Variants in TDRD12 observed in about 807,000 individuals in gnomAD.
The protein encoded by TDRD12 is tudor domain containing 12.
TDRD12 carries 158 observed loss-of-function variants against 133.5 expected under a neutral mutation model. The observed-to-expected ratio is 1.18, with a 90% CI of 1.04 to 1.35. TDRD12 has a LOEUF of 1.35. Ranked by LOEUF, TDRD12 falls within the 40% of genes most tolerant of loss-of-function variation. The pLI, the probability that TDRD12 is intolerant of heterozygous loss-of-function variation, is 0.00. For missense variants in TDRD12, 1,443 were observed against 1,321.3 expected (o/e 1.09, Z -1.43); for synonymous variants, 460 against 477.9 (o/e 0.96, Z 0.49).
At chr19:32,788,486 G>T (rs543807390) in intron 11 of TDRD12, among the ~76,000 whole-genome samples, 46 of 152,156 alleles carry the variant, frequency 3.0e-4, no homozygotes, top group African/African-American at 1.0e-3. Flanking sequence ...CTAATATCAC[G>T]TTTTTAATTT....
At chr19:32,811,877 CA>C (rs1471976956) in intron 24 of TDRD12, among the ~76,000 whole-genome samples, 2 of 152,190 alleles carry the variant, frequency 1.3e-5, no homozygotes, top group Non-Finnish European at 2.9e-5. Flanking sequence ...TCTTAAAAAA[CA>C]AAGCAAATCA....
At chr19:32,743,380 C>T (rs1160680763) in intron 4 of TDRD12, among the ~76,000 whole-genome samples, 1 of 145,142 alleles carries the variant, frequency 6.9e-6, no homozygotes, top group Non-Finnish European at 1.5e-5. Flanking sequence ...CACTCCCTCT[C>T]CCCACCGCCC....
intron 14 of TDRD12, chr19:32,796,015 G>A: frequency 3.3e-6 from 1 of 298,938 alleles, no homozygotes; most frequent in Non-Finnish European, 4.9e-6. Flanking sequence ...AGATTTGGGT[G>A]GGGATGCAGA....
At chr19:32,740,748 CAG>C (rs1969400397) in intron 3 of TDRD12, among the ~76,000 whole-genome samples, 2 of 152,162 alleles carry the variant, frequency 1.3e-5, no homozygotes, top group Admixed American at 1.3e-4. Flanking sequence ...GGCATAGTCT[CAG>C]GGTGCACAGA....
intron 4 of TDRD12, among the ~76,000 whole-genome samples, chr19:32,743,529 T>C (rs1345656030): frequency 6.6e-6 from 1 of 152,066 alleles, no homozygotes; most frequent in African/African-American, 2.4e-5. Flanking sequence ...ATTCCAGGCA[T>C]GAACCACTGT....
At chr19:32,728,804 C>T (rs1232259028) in intron 1 of TDRD12, among the ~76,000 whole-genome samples, 1 of 137,862 alleles carries the variant, frequency 7.3e-6, no homozygotes, top group Middle Eastern at 3.5e-3. Context: ...CACCACCACA[C>T]CTGGCTATTT....
At chr19:32,728,992 G>A (rs1968952613) in intron 1 of TDRD12, among the ~76,000 whole-genome samples, 1 of 150,140 alleles carries the variant, frequency 6.7e-6, no homozygotes, top group African/African-American at 2.4e-5. Context: ...TCCACAGCTT[G>A]TGTGTGTGTA....
At chr19:32,766,241 T>TACA (rs1970292442) in intron 8 of TDRD12, among the ~76,000 whole-genome samples, 1 of 152,208 alleles carries the variant, frequency 6.6e-6, no homozygotes, top group African/African-American at 2.4e-5. Flanking sequence ...ATTTAAAATT[T>TACA]TTGTGGGCAC....
downstream of TDRD12, among the ~76,000 whole-genome samples, chr19:32,822,866 G>A (rs1967452586): frequency 6.6e-6 from 1 of 152,166 alleles, no homozygotes; most frequent in South Asian, 2.1e-4. Context: ...TCTTCGTGTG[G>A]CCTTTTAATT....
intron 27 of TDRD12, among the ~76,000 whole-genome samples, chr19:32,819,314 CAA>C (rs57431026): frequency 3.7e-5 from 5 of 135,048 alleles, no homozygotes; most frequent in Non-Finnish European, 4.9e-5. Flanking sequence ...GACCTTGTCT[CAA>C]AAAAAAAAAA....
At chr19:32,733,597 G>A (rs1969128162) in intron 2 of TDRD12, among the ~76,000 whole-genome samples, 1 of 152,134 alleles carries the variant, frequency 6.6e-6, no homozygotes, top group African/African-American at 2.4e-5. Flanking sequence ...ACTTCATGTT[G>A]AATTGAGAGA....
At chr19:32,740,006 C>T (rs1479865569) in intron 3 of TDRD12, among the ~76,000 whole-genome samples, 4 of 111,632 alleles carry the variant, frequency 3.6e-5, no homozygotes, top group Admixed American at 8.6e-5. Flanking sequence ...GTGCTCTCTG[C>T]ATCTCCTGGG....
intron 2 of TDRD12, among the ~76,000 whole-genome samples, chr19:32,737,983 T>C (rs1969277249): frequency 6.6e-6 from 1 of 152,016 alleles, no homozygotes; most frequent in Non-Finnish European, 1.5e-5. Flanking sequence ...AAAAATTTCT[T>C]AAAATTATCT....
At chr19:32,723,114 ACAT>A (rs1568441286) in intron 1 of TDRD12, among the ~76,000 whole-genome samples, 1 of 152,196 alleles carries the variant, frequency 6.6e-6, no homozygotes, top group African/African-American at 2.4e-5. Context: ...AACTGTTCCA[ACAT>A]CATTTGTTGA....
At chr19:32,814,492 A>G (rs1391524548) in intron 25 of TDRD12, among the ~76,000 whole-genome samples, 1 of 152,244 alleles carries the variant, frequency 6.6e-6, no homozygotes, top group African/African-American at 2.4e-5. Flanking sequence ...AAGGTTTAAG[A>G]CTAAGCAGAA....
chr19:32,749,278 C>T (rs558473070), intron 5 of TDRD12, among the ~76,000 whole-genome samples: 2 of 152,116 alleles, frequency 1.3e-5, no homozygotes, highest in Non-Finnish European at 2.9e-5. Context: ...GCCACTTAGT[C>T]CTCAGTGGCT....
intron 4 of TDRD12, among the ~76,000 whole-genome samples, chr19:32,746,862 G>A (rs1239034009): frequency 1.3e-5 from 2 of 151,160 alleles, no homozygotes; most frequent in Non-Finnish European, 3.0e-5. Context: ...GAGACTGGCT[G>A]ATGTGGTTAT....
At chr19:32,755,202 T>C (rs1969957405) in intron 6 of TDRD12, among the ~76,000 whole-genome samples, 1 of 152,268 alleles carries the variant, frequency 6.6e-6, no homozygotes, top group Non-Finnish European at 1.5e-5. Flanking sequence ...ATAGGCCCCT[T>C]ACAGATATTT....
chr19:32,751,795 G>A (rs7260037), intron 6 of TDRD12, among the ~76,000 whole-genome samples: 34,598 of 152,028 alleles, frequency 0.23, 4,255 homozygotes, highest in African/African-American at 0.32. Context: ...CAGTCTTCTC[G>A]CCTTGTCCTC....
Sources: gnomAD v4.1 joint callset for allele counts (sites outside exome capture counted in the v4.1 genomes callset) on GRCh38, gnomAD v4.1.1 for gene constraint, MANE v1.5 for transcripts, NCBI Gene and HGNC (gene_info 2026-07-23, HGNC 2026-07-21) for gene names.